The following ULK4 variants were observed in gnomAD, a reference collection of about 807,000 sequenced individuals.
ULK4 encodes the protein inactive serine/threonine-protein kinase ULK4.
Under a neutral mutation model 160.6 loss-of-function variants are expected in ULK4, and 133 were observed. That is an observed-to-expected ratio of 0.83 (90% CI 0.72 to 0.96). ULK4 has a LOEUF of 0.96. Ranked by LOEUF, ULK4 falls within the 40% of genes least tolerant of loss-of-function variation. The pLI, the probability that ULK4 is intolerant of heterozygous loss-of-function variation, is 0.00. For synonymous variants in ULK4, 534 were observed against 539.8 expected (o/e 0.99, Z 0.15); for missense variants, 1,580 against 1,499.5 (o/e 1.05, Z -0.89).
Position 41,690,319 on chromosome 3 carries a change from T to A in ULK4, c.2782-8515A>T, listed in dbSNP as rs1305776914. Among the ~76,000 whole-genome samples, 247 of 151,418 alleles carry A rather than the reference T, an allele frequency of 1.6e-3. 1 individual carries two copies. Among genetic ancestry groups the A allele is most frequent in the African/African-American group, 2.3e-3 (97 of 41,418 alleles). ...GGTAGGGGGAGTGGGGAGGGATAGC[T>A]TTAGGAGATATACCTAATGCTAAAT... On this transcript the variant is annotated intron_variant, in intron 27 of 36. Transcript: ENST00000301831.
intron 35 of ULK4, among the ~76,000 whole-genome samples, chr3:41,267,120 G>A (rs2079052967): frequency 6.6e-6 from 1 of 151,300 alleles, no homozygotes. Flanking sequence ...GTGCCACGGT[G>A]GTCTGATGCA....
At chr3:41,644,654 C>CT (rs1422297918) in intron 30 of ULK4, among the ~76,000 whole-genome samples, 222 of 151,360 alleles carry the variant, frequency 1.5e-3, no homozygotes, top group African/African-American at 5.2e-3. Context: ...CTAAAATTCT[C>CT]TTTTTTGGTT....
At chr3:41,814,953 G>A (rs2040922179) in intron 19 of ULK4, among the ~76,000 whole-genome samples, 2 of 142,342 alleles carry the variant, frequency 1.4e-5, no homozygotes, top group Admixed American at 1.4e-4. Flanking sequence ...CTGTTGCCCA[G>A]GCTGGAGTGT....
chr3:41,900,459 G>A (rs1415260167), intron 13 of ULK4, among the ~76,000 whole-genome samples: 1 of 152,220 alleles, frequency 6.6e-6, no homozygotes, highest in Non-Finnish European at 1.5e-5. Context: ...GCATGTGGAA[G>A]AAGCAGTAGT....
intron 30 of ULK4, among the ~76,000 whole-genome samples, chr3:41,629,502 T>C (rs962245510): frequency 2.0e-5 from 3 of 152,100 alleles, no homozygotes; most frequent in Non-Finnish European, 4.4e-5. Context: ...TCACTTCTAT[T>C]GTGTTCTAAG....
intron 27 of ULK4, among the ~76,000 whole-genome samples, chr3:41,684,758 A>C (rs1338325552): frequency 1.3e-5 from 2 of 152,232 alleles, no homozygotes; most frequent in Non-Finnish European, 2.9e-5. Context: ...AAACCTGAAA[A>C]ATTACCATCT....
At chr3:41,638,391 T>C (rs747995625) in intron 30 of ULK4, among the ~76,000 whole-genome samples, 5 of 152,168 alleles carry the variant, frequency 3.3e-5, no homozygotes, top group Admixed American at 6.5e-5. Context: ...AACAACTGAG[T>C]TGAGCAGAAT....
intron 32 of ULK4, among the ~76,000 whole-genome samples, chr3:41,510,373 C>T (rs770142622): frequency 1.1e-4 from 16 of 152,094 alleles, no homozygotes; most frequent in African/African-American, 1.7e-4. Context: ...GATGTCAACA[C>T]AATAATAGTG....
intron 31 of ULK4, among the ~76,000 whole-genome samples, chr3:41,598,123 C>A (rs2125656374): frequency 6.6e-6 from 1 of 152,254 alleles, no homozygotes; most frequent in East Asian, 1.9e-4. Flanking sequence ...ACATGCAAAA[C>A]TGATCAAAGC....
At chr3:41,636,149 A>G (rs1048302551) in intron 30 of ULK4, among the ~76,000 whole-genome samples, 1 of 152,126 alleles carries the variant, frequency 6.6e-6, no homozygotes, top group Non-Finnish European at 1.5e-5. Flanking sequence ...ATGTATTACC[A>G]TTGCCTACTT....
intron 35 of ULK4, among the ~76,000 whole-genome samples, chr3:41,288,764 T>A (rs1352115440): frequency 6.6e-6 from 1 of 152,148 alleles, no homozygotes; most frequent in Non-Finnish European, 1.5e-5. Context: ...CCCCAGTGTA[T>A]CAGCACTTAG....
intron 17 of ULK4, among the ~76,000 whole-genome samples, chr3:41,865,271 T>TAAAAAAA (rs55741060): frequency 3.3e-5 from 1 of 29,900 alleles, no homozygotes; most frequent in Non-Finnish European, 6.0e-5. Context: ...ACTCTGTCTT[T>TAAAAAAA]AAAAAAAAAA....
chr3:41,612,966 A>G (rs2032756239), intron 31 of ULK4, among the ~76,000 whole-genome samples: 1 of 152,236 alleles, frequency 6.6e-6, no homozygotes. Flanking sequence ...TAAAGAAAAA[A>G]GTCATCAGGA....
At chr3:41,574,838 G>A (rs767089286) in intron 31 of ULK4, among the ~76,000 whole-genome samples, 3 of 152,196 alleles carry the variant, frequency 2.0e-5, no homozygotes, top group South Asian at 2.1e-4. Flanking sequence ...GAGCCACTGC[G>A]CCAGGCCCCA....
At chr3:41,307,290 T>G (rs2079965229) in intron 35 of ULK4, among the ~76,000 whole-genome samples, 1 of 152,158 alleles carries the variant, frequency 6.6e-6, no homozygotes, top group Non-Finnish European at 1.5e-5. Context: ...CCTCTGTGCT[T>G]TGACAGCAGA....
chr3:41,821,754 T>C (rs1353052317), intron 18 of ULK4, among the ~76,000 whole-genome samples: 2 of 152,160 alleles, frequency 1.3e-5, no homozygotes, highest in African/African-American at 4.8e-5. Context: ...CACTTTACAC[T>C]GACTTTCTCA....
intron 31 of ULK4, among the ~76,000 whole-genome samples, chr3:41,612,978 G>A (rs1444221427): frequency 6.6e-6 from 1 of 152,170 alleles, no homozygotes. Flanking sequence ...TCATCAGGAG[G>A]TCACAGTAGA....
chr3:41,333,531 G>A (rs2080490732), intron 35 of ULK4, among the ~76,000 whole-genome samples: 1 of 152,080 alleles, frequency 6.6e-6, no homozygotes, highest in African/African-American at 2.4e-5. Flanking sequence ...TCTTTGTCTT[G>A]GTGTCTGCTA....
At chr3:41,730,721 T>A (rs1358518249) in intron 22 of ULK4, among the ~76,000 whole-genome samples, 2 of 152,154 alleles carry the variant, frequency 1.3e-5, no homozygotes. Flanking sequence ...TTCAAAGTAC[T>A]CCAAAAAATT....
Sources: gnomAD v4.1 joint callset for allele counts (sites outside exome capture counted in the v4.1 genomes callset) on GRCh38, gnomAD v4.1.1 for gene constraint, MANE v1.5 for transcripts, NCBI Gene and HGNC (gene_info 2026-07-23, HGNC 2026-07-21) for gene names.